Variants in PDE3B observed in about 807,000 individuals in gnomAD.
PDE3B encodes cGMP-inhibited 3',5'-cyclic phosphodiesterase 3B.
A neutral mutation model predicts 116.8 loss-of-function variants in PDE3B; 66 were observed. The ratio of observed to expected loss-of-function variants is 0.56; its 90% CI spans 0.46 to 0.69. PDE3B has a LOEUF of 0.69. Among genes scored for constraint, PDE3B ranks in the 30% least tolerant of loss-of-function variants. PDE3B has a pLI of 0.00. For synonymous variants in PDE3B, 595 were observed against 533.6 expected, an observed-to-expected ratio of 1.12 and a Z score of -1.59; for missense variants, 1,384 against 1,368.1, an observed-to-expected ratio of 1.01 and a Z score of -0.18.
chr11:14,743,275 A>G (rs1809196136), intron 1 of PDE3B, among the ~76,000 whole-genome samples: 1 of 152,182 alleles, frequency 6.6e-6, no homozygotes, highest in South Asian at 2.1e-4. Flanking sequence ...GGTGGAATCT[A>G]GAGAGGAAGT....
intron 12 of PDE3B, among the ~76,000 whole-genome samples, chr11:14,848,003 C>T (rs1400284999): frequency 1.3e-5 from 2 of 152,030 alleles, no homozygotes; most frequent in Admixed American, 1.3e-4. Flanking sequence ...CCAGCATCAT[C>T]CTGATACCAA....
At chr11:14,794,301 A>G (rs1387353116) in intron 4 of PDE3B, among the ~76,000 whole-genome samples, 4 of 147,102 alleles carry the variant, frequency 2.7e-5, no homozygotes, top group Non-Finnish European at 5.9e-5. Flanking sequence ...CTATAATTCA[A>G]TTATTTCTTT....
chr11:14,743,534 C>G (rs555957857), intron 1 of PDE3B, among the ~76,000 whole-genome samples: 1 of 152,202 alleles, frequency 6.6e-6, no homozygotes, highest in African/African-American at 2.4e-5. Flanking sequence ...GACCACTGGG[C>G]TCCCTGGCTT....
chr11:14,689,962 A>G (rs191012043), intron 1 of PDE3B, among the ~76,000 whole-genome samples: 10 of 152,296 alleles, frequency 6.6e-5, no homozygotes, highest in Non-Finnish European at 8.8e-5. Context: ...GGGAAGTTGA[A>G]TAGGATTTAC....
At chr11:14,656,415 A>C (rs1853718165) in intron 1 of PDE3B, among the ~76,000 whole-genome samples, 1 of 152,160 alleles carries the variant, frequency 6.6e-6, no homozygotes, top group Admixed American at 6.5e-5. Flanking sequence ...ACTTATTGTC[A>C]TTTCTTATAA....
chr11:14,786,416 T>C, intron 2 of PDE3B, 21 bp from the exon 3 acceptor site: 1 of 1,595,928 alleles, frequency 6.3e-7, no homozygotes. Context: ...TGAATGAAAA[T>C]TTCACTTTTT....
chr11:14,846,317 C>T (rs893464206), intron 12 of PDE3B, among the ~76,000 whole-genome samples: 12 of 152,174 alleles, frequency 7.9e-5, no homozygotes, highest in African/African-American at 2.9e-4. Context: ...CCAGGCCTGC[C>T]CTAAAAGAGC....
chr11:14,868,307 G>C (rs1555008437), intron 15 of PDE3B, among the ~76,000 whole-genome samples: 1 of 152,184 alleles, frequency 6.6e-6, no homozygotes. Flanking sequence ...CTCATGGCAA[G>C]TCCTCCTTCA....
At chr11:14,721,574 C>T (rs1281966248) in intron 1 of PDE3B, among the ~76,000 whole-genome samples, 3 of 150,944 alleles carry the variant, frequency 2.0e-5, no homozygotes, top group Admixed American at 2.0e-4. Context: ...CACATATACA[C>T]CATGGAATAC....
chr11:14,880,744 C>T, the PDE3B span: 13 of 1,608,226 alleles, frequency 8.1e-6, no homozygotes, highest in Admixed American at 1.7e-5. Flanking sequence ...AACCCATCCT[C>T]GGCCATATCT....
chr11:14,811,872 G>T lies in PDE3B; in HGVS notation c.1523-6311G>T, dbSNP rs575381789. Among the ~76,000 whole-genome samples the T allele has an allele frequency of 2.3e-3, 353 of 152,230 alleles. 2 individuals carry two copies. The highest frequency in any genetic ancestry group is 8.2e-3 in the African/African-American group (341 of 41,536). ...GGTCCCTCACGTCCCTTGTAAGTTGGATTCCTAGGTATTTTATTCTCTTTG... is the reference window on the plus strand; with the variant it reads ...GGTCCCTCACGTCCCTTGTAAGTTGTATTCCTAGGTATTTTATTCTCTTTG... On this transcript the variant is annotated intron_variant, in intron 5 of 15. Transcript: ENST00000282096.
intron 1 of PDE3B, among the ~76,000 whole-genome samples, chr11:14,650,200 TG>T (rs766017730): frequency 1.1e-4 from 17 of 149,008 alleles, no homozygotes; most frequent in East Asian, 2.0e-4. Flanking sequence ...CATTCAGCAA[TG>T]TTTTTTTTTT....
At chr11:14,771,455 A>G (rs1857640715) in intron 1 of PDE3B, among the ~76,000 whole-genome samples, 1 of 151,712 alleles carries the variant, frequency 6.6e-6, no homozygotes, top group South Asian at 2.1e-4. Context: ...CAAAAGGGGT[A>G]TGTGCTGCTT....
chr11:14,680,600 C>G (rs570470079), intron 1 of PDE3B, among the ~76,000 whole-genome samples: 2 of 152,204 alleles, frequency 1.3e-5, no homozygotes, highest in African/African-American at 4.8e-5. Flanking sequence ...ATATACATGT[C>G]TAGATGTGTT....
At chr11:14,772,849 A>G (rs1255810575) in intron 2 of PDE3B, 1 of 152,016 alleles carries the variant, frequency 6.6e-6, no homozygotes, top group African/African-American at 2.4e-5. Flanking sequence ...AATTTACTTA[A>G]TAATTCTAAT....
intron 1 of PDE3B, among the ~76,000 whole-genome samples, chr11:14,734,826 A>G (rs1590101287): frequency 1.3e-5 from 2 of 152,288 alleles, no homozygotes; most frequent in East Asian, 3.9e-4. Flanking sequence ...TTTTGAGAAT[A>G]CAGATTCCAA....
At chr11:14,651,839 A>G (rs1197299439) in intron 1 of PDE3B, among the ~76,000 whole-genome samples, 3 of 152,220 alleles carry the variant, frequency 2.0e-5, no homozygotes, top group East Asian at 3.9e-4. Flanking sequence ...TCTGGGCTCT[A>G]TTATGTTTGA....
At chr11:14,678,015 G>A (rs568049098) in intron 1 of PDE3B, among the ~76,000 whole-genome samples, 4 of 152,160 alleles carry the variant, frequency 2.6e-5, no homozygotes, top group African/African-American at 7.2e-5. Context: ...TGCAACCTCC[G>A]CCTCCCAGGT....
chr11:14,732,536 A>G (rs1483597813), intron 1 of PDE3B, among the ~76,000 whole-genome samples: 2 of 152,186 alleles, frequency 1.3e-5, no homozygotes, highest in Admixed American at 1.3e-4. Flanking sequence ...TCATGGTTAA[A>G]CAACATGGAG....
Sources: gnomAD v4.1 joint callset for allele counts (sites outside exome capture counted in the v4.1 genomes callset) on GRCh38, gnomAD v4.1.1 for gene constraint, MANE v1.5 for transcripts, NCBI Gene and HGNC (gene_info 2026-07-23, HGNC 2026-07-21) for gene names.